The following CHST11 variants were observed in gnomAD, a reference collection of about 807,000 sequenced individuals.
The protein encoded by CHST11 is C4S-1.
CHST11 carries 9 observed loss-of-function variants against 30.4 expected under a neutral mutation model. The observed-to-expected ratio is 0.30, with a 90% CI of 0.18 to 0.52. The LOEUF is 0.52. CHST11 is among the 20% of genes least tolerant of loss of function. CHST11 has a pLI of 0.97. For synonymous variants in CHST11, 152 were observed against 187.8 expected (o/e 0.81, Z 1.56); for missense variants, 348 against 460.6 (o/e 0.76, Z 2.24).
chr12:104,563,720 G>A (rs1245441679), intron 1 of CHST11, among the ~76,000 whole-genome samples: 1 of 151,958 alleles, frequency 6.6e-6, no homozygotes, highest in African/African-American at 2.4e-5. Flanking sequence ...TTGAGATGGT[G>A]GGGGTTGGTG....
intron 2 of CHST11, among the ~76,000 whole-genome samples, chr12:104,752,516 A>G (rs1479568665): frequency 1.3e-5 from 2 of 148,616 alleles, no homozygotes; most frequent in Non-Finnish European, 2.9e-5. Flanking sequence ...TTATTTATTT[A>G]TTTATTTATT....
At chr12:104,649,153 G>A (rs531547980) in intron 2 of CHST11, among the ~76,000 whole-genome samples, 17 of 152,146 alleles carry the variant, frequency 1.1e-4, no homozygotes, top group Non-Finnish European at 1.9e-4. Context: ...GATGGGGCTA[G>A]GGGTGGGAAA....
chr12:104,481,081 A>G (rs946907070), intron 1 of CHST11, among the ~76,000 whole-genome samples: 1 of 152,200 alleles, frequency 6.6e-6, no homozygotes, highest in East Asian at 1.9e-4. Context: ...CTTTCCAGCT[A>G]TGAAATGGGA....
At chr12:104,737,265 G>T (rs1054207346) in intron 2 of CHST11, among the ~76,000 whole-genome samples, 3 of 152,236 alleles carry the variant, frequency 2.0e-5, no homozygotes, top group South Asian at 2.1e-4. Flanking sequence ...GAGGTCACAC[G>T]GGAGGTCATC....
At chr12:104,578,205 G>T (rs1034126229) in intron 1 of CHST11, among the ~76,000 whole-genome samples, 8 of 152,256 alleles carry the variant, frequency 5.3e-5, no homozygotes, top group Middle Eastern at 3.4e-3. Context: ...AGGTCACATC[G>T]CTGGTTAGGA....
At chr12:104,500,933 G>A (rs2135974394) in intron 1 of CHST11, among the ~76,000 whole-genome samples, 1 of 152,290 alleles carries the variant, frequency 6.6e-6, no homozygotes, top group South Asian at 2.1e-4. Flanking sequence ...GATCACGGGT[G>A]GGAGGGCAGG....
At chr12:104,742,309 C>T (rs558371904) in intron 2 of CHST11, among the ~76,000 whole-genome samples, 1 of 152,192 alleles carries the variant, frequency 6.6e-6, no homozygotes, top group African/African-American at 2.4e-5. Flanking sequence ...GAGGCAAGCC[C>T]CTGCCTCCCA....
intron 1 of CHST11, among the ~76,000 whole-genome samples, chr12:104,554,286 G>T (rs772061196): frequency 6.6e-6 from 1 of 152,140 alleles, no homozygotes; most frequent in Non-Finnish European, 1.5e-5. Context: ...AACAAGAGGG[G>T]ACCGAGGGTT....
chr12:104,677,745 T>C (rs1350560789), intron 2 of CHST11, among the ~76,000 whole-genome samples: 1 of 152,232 alleles, frequency 6.6e-6, no homozygotes, highest in East Asian at 1.9e-4. Context: ...TTGGGTACCA[T>C]GTTGCCAAGA....
At chr12:104,500,615 T>C (rs1405066558) in intron 1 of CHST11, among the ~76,000 whole-genome samples, 1 of 152,162 alleles carries the variant, frequency 6.6e-6, no homozygotes, top group Non-Finnish European at 1.5e-5. Flanking sequence ...GTGAACACAG[T>C]GCTCTGATAA....
chr12:104,619,468 T>A (rs2039139626), intron 2 of CHST11, among the ~76,000 whole-genome samples: 1 of 152,216 alleles, frequency 6.6e-6, no homozygotes, highest in African/African-American at 2.4e-5. Context: ...TGTAATTTTC[T>A]TATCAATTCA....
intron 2 of CHST11, among the ~76,000 whole-genome samples, chr12:104,684,756 C>G (rs746272704): frequency 2.0e-5 from 3 of 152,126 alleles, no homozygotes; most frequent in Non-Finnish European, 2.9e-5. Flanking sequence ...ACCATGTTGA[C>G]CAGTCTAGTC....
chr12:104,531,582 ATTCT>A (rs1213086752), intron 1 of CHST11, among the ~76,000 whole-genome samples: 1 of 151,742 alleles, frequency 6.6e-6, no homozygotes, highest in Admixed American at 6.6e-5. Flanking sequence ...TCTTTCCCTC[ATTCT>A]TTCTTCTTTT....
intron 1 of CHST11, among the ~76,000 whole-genome samples, chr12:104,478,071 C>G (rs973178462): frequency 6.6e-6 from 1 of 152,058 alleles, no homozygotes; most frequent in Non-Finnish European, 1.5e-5. Flanking sequence ...TGGGAAGCAA[C>G]CCCCCTAACA....
At chr12:104,589,678 G>A (rs2136038486) in intron 1 of CHST11, among the ~76,000 whole-genome samples, 1 of 152,264 alleles carries the variant, frequency 6.6e-6, no homozygotes, top group Non-Finnish European at 1.5e-5. Context: ...ACTTATTCAA[G>A]GGTTCTGGTT....
intron 1 of CHST11, among the ~76,000 whole-genome samples, chr12:104,564,451 T>G (rs1405159578): frequency 6.6e-6 from 1 of 152,246 alleles, no homozygotes; most frequent in Non-Finnish European, 1.5e-5. Context: ...GATCATAGTG[T>G]CCACCTCATG....
chr12:104,596,149 G>A (rs754618758), intron 1 of CHST11, among the ~76,000 whole-genome samples: 14 of 152,180 alleles, frequency 9.2e-5, no homozygotes, highest in Non-Finnish European at 1.9e-4. Flanking sequence ...GCTGGGTATT[G>A]CTCACTCCTC....
intron 1 of CHST11, among the ~76,000 whole-genome samples, chr12:104,462,167 C>CAA (rs796356338): frequency 1.5e-4 from 10 of 65,584 alleles, no homozygotes; most frequent in East Asian, 8.8e-4. Context: ...AACACCATCT[C>CAA]AAAAAAAAAA....
intron 1 of CHST11, among the ~76,000 whole-genome samples, chr12:104,493,643 ACCCTTCC>A (rs759441887): frequency 6.6e-6 from 1 of 152,112 alleles, no homozygotes; most frequent in African/African-American, 2.4e-5. Flanking sequence ...TGCCGTCTCT[ACCCTTCC>A]CTCAACTCTG....
Sources: allele counts gnomAD v4.1 joint callset (sites outside exome capture counted in the v4.1 genomes callset), GRCh38; gene constraint gnomAD v4.1.1; transcripts MANE v1.5; gene names NCBI Gene and HGNC (gene_info 2026-07-23, HGNC 2026-07-21).